The following FABP7 variants were observed in gnomAD, a reference collection of about 807,000 sequenced individuals.
FABP7 encodes the protein fatty acid-binding protein, brain.
FABP7 carries 13 observed loss-of-function variants against 14.2 expected under a neutral mutation model. That is an observed-to-expected ratio of 0.91 (90% CI 0.59 to 1.45). The LOEUF is 1.45. Ranked by LOEUF, FABP7 falls within the 40% of genes most tolerant of loss-of-function variation. The pLI, the probability that FABP7 is intolerant of heterozygous loss-of-function variation, is 0.00. For synonymous variants in FABP7, 49 were observed against 51.4 expected (o/e 0.95, Z 0.20); for missense variants, 149 against 157.6 (o/e 0.95, Z 0.29).
At chr6:122,782,583 T>A (rs1216266039) in intron 3 of FABP7, 1 of 985,330 alleles carries the variant, frequency 1.0e-6, no homozygotes, top group East Asian at 1.1e-4. Context: ...CAGACACTTT[T>A]TGTGTGACCT....
upstream of FABP7, among the ~76,000 whole-genome samples, chr6:122,777,874 AT>A (rs1418036358): frequency 1.1e-4 from 16 of 151,026 alleles, no homozygotes; most frequent in South Asian, 6.3e-4. Context: ...ATAAATAAAT[AT>A]AATTTTTTTA....
chr6:122,775,101 A>G (rs935876472), upstream of FABP7, among the ~76,000 whole-genome samples: 7 of 152,168 alleles, frequency 4.6e-5, no homozygotes, highest in Non-Finnish European at 1.5e-5. Context: ...CTACAGATTT[A>G]ATGCACTCTC....
the FABP7 span, among the ~76,000 whole-genome samples, chr6:122,749,618 GTATCCTA>G: frequency 6.6e-6 from 1 of 152,126 alleles, no homozygotes; most frequent in Non-Finnish European, 1.5e-5. Context: ...ATCCTTTCCA[GTATCCTA>G]TATCCTTGAA....
chr6:122,768,858 T>C, the FABP7 span, among the ~76,000 whole-genome samples: 1 of 152,136 alleles, frequency 6.6e-6, no homozygotes, highest in Admixed American at 6.6e-5. Flanking sequence ...AAGAGATGGC[T>C]ACATTACTCT....
the FABP7 span, among the ~76,000 whole-genome samples, chr6:122,752,644 T>C: frequency 6.6e-6 from 1 of 152,222 alleles, no homozygotes; most frequent in South Asian, 2.1e-4. Flanking sequence ...CTTGGACCTT[T>C]GTCTAAGCTA....
upstream of FABP7, among the ~76,000 whole-genome samples, chr6:122,778,675 C>A (rs1009462349): frequency 6.6e-6 from 1 of 152,172 alleles, no homozygotes; most frequent in Non-Finnish European, 1.5e-5. Flanking sequence ...CTACTTAGAA[C>A]CCTCAAGGTA....
chr6:122,780,392 A>C lies in FABP7; in HGVS notation c.175A>C (p.Lys59Gln), dbSNP rs747226722. ...KVVIRTLSTFKNTEISFQLGE... is the reference protein window; with the variant it reads ...KVVIRTLSTFQNTEISFQLGE... Reference sequence around the variant, plus strand: ...GGTCATCAGGACTCTCAGCACATTCAAGAACACGGAGATTAGTTTCCAGCT... The same window carrying C: ...GGTCATCAGGACTCTCAGCACATTCCAGAACACGGAGATTAGTTTCCAGCT... The change falls in exon 2 of 4, where the codon AAG becomes CAG. Residue 59 changes from lysine to glutamine, a missense_variant. Lys to Gln is a moderately conservative substitution (Grantham distance 53). Coordinates refer to ENST00000368444, the MANE Select transcript of FABP7 (RefSeq NM_001446.5). 3 of 1,614,150 alleles carry C rather than the reference A, an allele frequency of 1.9e-6. No homozygotes were observed. Among genetic ancestry groups the C allele is most frequent in the Non-Finnish European group, 2.5e-6 (3 of 1,180,026 alleles).
intron 1 of FABP7, 62 bp downstream of exon 1, chr6:122,779,929 C>T: frequency 6.7e-7 from 1 of 1,489,820 alleles, no homozygotes; most frequent in Non-Finnish European, 9.3e-7. Flanking sequence ...TTTGCAGATT[C>T]CATTTTTCAC....
chr6:122,779,949 C>A, intron 1 of FABP7, 82 bp downstream of exon 1: 1 of 1,305,780 alleles, frequency 7.7e-7, no homozygotes, highest in Non-Finnish European at 1.1e-6. Flanking sequence ...CTCATCAGGT[C>A]AGCAAGAGGC....
chr6:122,777,026 A>T (rs1780687742), upstream of FABP7, among the ~76,000 whole-genome samples: 1 of 152,218 alleles, frequency 6.6e-6, no homozygotes, highest in Non-Finnish European at 1.5e-5. Flanking sequence ...ACCATCTCAT[A>T]TTCTTTATCT....
chr6:122,773,582 C>T, the FABP7 span, among the ~76,000 whole-genome samples: 3 of 152,262 alleles, frequency 2.0e-5, no homozygotes, highest in South Asian at 6.2e-4. Context: ...TCCTTTCCAG[C>T]TACAGAGATA....
the FABP7 span, among the ~76,000 whole-genome samples, chr6:122,758,001 T>A: frequency 6.6e-6 from 1 of 152,038 alleles, no homozygotes; most frequent in African/African-American, 2.4e-5. Flanking sequence ...GAGTGAACAA[T>A]GGACAGGGGC....
the FABP7 span, among the ~76,000 whole-genome samples, chr6:122,763,574 A>T: frequency 6.6e-6 from 1 of 152,224 alleles, no homozygotes; most frequent in Non-Finnish European, 1.5e-5. Context: ...CTGCACGGCA[A>T]AAGAAACTAC....
chr6:122,780,225 A>C, intron 1 of FABP7, 66 bp from the exon 2 acceptor site: 1 of 1,519,000 alleles, frequency 6.6e-7, no homozygotes, highest in Middle Eastern at 1.7e-4. Context: ...ATCAGAAAGC[A>C]GATTCTTGCT....
the FABP7 span, among the ~76,000 whole-genome samples, chr6:122,767,274 G>T: frequency 6.6e-6 from 1 of 151,824 alleles, no homozygotes; most frequent in Admixed American, 6.6e-5. Flanking sequence ...ATATATTAAG[G>T]GCCATAAATA....
chr6:122,764,384 G>A, the FABP7 span, among the ~76,000 whole-genome samples: 1 of 151,964 alleles, frequency 6.6e-6, no homozygotes, highest in Non-Finnish European at 1.5e-5. Context: ...ACCAGGGCCT[G>A]TCATGGGGTG....
At chr6:122,782,325 G>GT in intron 3 of FABP7, 1 of 577,876 alleles carries the variant, frequency 1.7e-6, no homozygotes, top group Non-Finnish European at 2.2e-6. Flanking sequence ...CGACCCTAGT[G>GT]TTGCCATCCT....
the FABP7 span, among the ~76,000 whole-genome samples, chr6:122,751,478 T>TTAA: frequency 1.3e-5 from 2 of 152,218 alleles, no homozygotes; most frequent in Admixed American, 6.5e-5. Context: ...CGAGAAGTCT[T>TTAA]CCTTTAAAGC....
the FABP7 span, among the ~76,000 whole-genome samples, chr6:122,765,640 T>C: frequency 8.5e-5 from 13 of 152,186 alleles, no homozygotes; most frequent in African/African-American, 2.9e-4. Context: ...TACTGTCTCC[T>C]ATGTTGATCT....
Sources: allele counts gnomAD v4.1 joint callset (sites outside exome capture counted in the v4.1 genomes callset), GRCh38; gene constraint gnomAD v4.1.1; transcripts MANE v1.5; gene names NCBI Gene and HGNC (gene_info 2026-07-23, HGNC 2026-07-21).